The following USP34 variants were observed in gnomAD, a reference collection of about 807,000 sequenced individuals.
USP34 encodes ubiquitin carboxyl-terminal hydrolase 34.
USP34 carries 70 observed loss-of-function variants against 460.3 expected under a neutral mutation model. The ratio of observed to expected loss-of-function variants is 0.15; its 90% CI spans 0.13 to 0.19. USP34 has a LOEUF of 0.19. Ranked by LOEUF, USP34 falls within the 10% of genes least tolerant of loss-of-function variation. The pLI is 1.00. For synonymous variants in USP34, 1,647 were observed against 1,405.3 expected (o/e 1.17, Z -3.85); for missense variants, 3,985 against 4,236.2 (o/e 0.94, Z 1.65).
chr2:61,230,420 A>C (rs1021345717), intron 58 of USP34, among the ~76,000 whole-genome samples: 1 of 152,078 alleles, frequency 6.6e-6, no homozygotes, highest in African/African-American at 2.4e-5. Flanking sequence ...CAGCTAAGGA[A>C]GCTGAGGCAG....
intron 33 of USP34, among the ~76,000 whole-genome samples, chr2:61,289,946 A>T (rs866833326): frequency 6.6e-6 from 1 of 152,164 alleles, no homozygotes; most frequent in Non-Finnish European, 1.5e-5. Flanking sequence ...GTATAATGAA[A>T]AAGTAAGCCA....
intron 22 of USP34, 122 bp downstream of exon 22, chr2:61,319,051 T>C (rs1203512359): frequency 2.1e-6 from 2 of 959,088 alleles, no homozygotes; most frequent in African/African-American, 3.4e-5. Flanking sequence ...ACTGCTAAAA[T>C]TCATTACATT....
At chr2:61,238,050 C>T (rs1465351741) in intron 53 of USP34, among the ~76,000 whole-genome samples, 2 of 151,950 alleles carry the variant, frequency 1.3e-5, no homozygotes, top group Non-Finnish European at 2.9e-5. Context: ...TGCCCGCCAC[C>T]ATACCCAGTT....
intron 1 of USP34, among the ~76,000 whole-genome samples, chr2:61,440,454 G>A (rs1275718432): frequency 2.0e-5 from 3 of 152,046 alleles, no homozygotes; most frequent in Non-Finnish European, 4.4e-5. Context: ...TTGCTCTGCT[G>A]CAGAGGGAAT....
intron 10 of USP34, among the ~76,000 whole-genome samples, chr2:61,359,934 A>AC (rs1344133509): frequency 6.6e-6 from 1 of 151,790 alleles, no homozygotes; most frequent in African/African-American, 2.4e-5. Context: ...ACAGGCGCCC[A>AC]CCACCACACC....
chr2:61,390,955 C>T (rs1403605189), intron 5 of USP34, among the ~76,000 whole-genome samples: 3 of 151,908 alleles, frequency 2.0e-5, no homozygotes, highest in Non-Finnish European at 2.9e-5. Context: ...ATTAGCTGGG[C>T]ATGGTGGTGC....
Position 61,349,249 on chromosome 2 carries a change from C to A in USP34, c.1543+1G>T, listed in dbSNP as rs775362581. 6.2e-7 allele frequency: 1 copy of A among 1,612,384 alleles called. No homozygotes were observed. The highest frequency in any genetic ancestry group is 1.3e-5 in the African/African-American group (1 of 74,968). On this transcript the variant is annotated splice_donor_variant, in intron 13 of 79. Coordinates refer to ENST00000398571, the MANE Select transcript of USP34 (RefSeq NM_014709.4). LOFTEE classifies it high-confidence loss of function. The stretch of plus-strand genomic sequence containing the variant: ...CCATGAATTTCTAAGGCTCAACTTA[C>A]AAGGTGATGGAGCTGTTCTTCTAAG...
chr2:61,387,608 TATAAA>T (rs1195467442), intron 5 of USP34, among the ~76,000 whole-genome samples: 1 of 147,112 alleles, frequency 6.8e-6, no homozygotes, highest in Non-Finnish European at 1.5e-5. Flanking sequence ...TACACACATA[TATAAA>T]ATATATATTT....
At chr2:61,390,104 C>G (rs1693296554) in intron 5 of USP34, among the ~76,000 whole-genome samples, 1 of 152,142 alleles carries the variant, frequency 6.6e-6, no homozygotes, top group South Asian at 2.1e-4. Flanking sequence ...TTGTGTTCCC[C>G]TATACGTTAC....
intron 10 of USP34, among the ~76,000 whole-genome samples, chr2:61,368,663 G>T (rs562620962): frequency 1.1e-4 from 17 of 152,260 alleles, no homozygotes; most frequent in African/African-American, 4.1e-4. Flanking sequence ...ACAAAAAAGG[G>T]AGGAAAGTTG....
intron 3 of USP34, among the ~76,000 whole-genome samples, chr2:61,398,985 A>G (rs545707868): frequency 1.3e-5 from 2 of 152,294 alleles, no homozygotes; most frequent in South Asian, 4.1e-4. Flanking sequence ...ATTGTTAAAT[A>G]CAGAATCATG....
chr2:61,437,123 A>G (rs1166276723), intron 1 of USP34, among the ~76,000 whole-genome samples: 2 of 152,200 alleles, frequency 1.3e-5, no homozygotes. Flanking sequence ...CCAATGATGC[A>G]TCTCAAGGAA....
intron 35 of USP34, 129 bp from the exon 36 acceptor site, chr2:61,283,578 TGAGAGTGAGAGTGAGAGTGAGA>T (rs1412711890): frequency 1.3e-5 from 2 of 151,706 alleles, no homozygotes; most frequent in African/African-American, 1.5e-4. Flanking sequence ...GGTGTGTGAG[TGAGAGTGAGAGTGAGAGTGAGA>T]GAGAGTGTGA....
In USP34 at chr2:61,331,331, C is replaced by T. The variant is rs1691255266; in HGVS notation, c.2875G>A (p.Asp959Asn). 6.8e-6 allele frequency: 11 copies of T among 1,612,126 alleles called. No individual in the cohort carries two copies. The highest frequency in any genetic ancestry group is 9.3e-6 in the Non-Finnish European group (11 of 1,179,026). ...KELNMMKLFF[D>N]NLVYYIQTVR... is the part of the protein sequence containing the mutation. Reference sequence around the variant, plus strand: ...GTTTGAATGTAGTATACCAAATTATCAAAGAAAAGCTTCATCATGTTCAGT... The same window carrying T: ...GTTTGAATGTAGTATACCAAATTATTAAAGAAAAGCTTCATCATGTTCAGT... Residue 959 changes from aspartate (D) to asparagine (N), a missense_variant, in exon 20 of 80, where the codon GAT becomes AAT. Physicochemically the swap from Asp to Asn is conservative, Grantham distance 23. Transcript: ENST00000398571.
Position 61,353,294 on chromosome 2 carries a change from G to C in USP34, c.1252-2601C>G, listed in dbSNP as rs529190804. Among the ~76,000 whole-genome samples, 5 of 152,012 alleles carry C rather than the reference G, an allele frequency of 3.3e-5. No homozygotes were observed. The South Asian group carries it at 1.0e-3, about 31-fold the overall frequency. ...TCTGAAATGATTACTAGAGGTCTTA[G>C]AGTTGTACTTTTTTTTTGCGGAACA... On this transcript the variant is annotated intron_variant, in intron 10 of 79. Transcript: ENST00000398571.
At chr2:61,328,396 G>C (rs1691162819) in intron 20 of USP34, among the ~76,000 whole-genome samples, 1 of 151,044 alleles carries the variant, frequency 6.6e-6, no homozygotes, top group Non-Finnish European at 1.5e-5. Context: ...CATGCTACAA[G>C]AATCTTTTTC....
Position 61,192,581 on chromosome 2 carries a change from C to G in USP34, c.9588+320G>C, listed in dbSNP as rs116316866. 8.8e-3 allele frequency among the ~76,000 whole-genome samples: 1,345 copies of G among 152,314 alleles called. 20 individuals are homozygous for G. The highest frequency in any genetic ancestry group is 0.03 in the African/African-American group (1,265 of 41,554). On this transcript the variant is annotated intron_variant, in intron 76 of 79. Coordinates refer to ENST00000398571, the MANE Select transcript of USP34 (RefSeq NM_014709.4). ...GGAGGTGAAGGAGAGGAAGAAGTGG[C>G]AAGTGCCTTTTCCCCCACTATCTCC... is the stretch of plus-strand genomic sequence containing the variant.
intron 20 of USP34, among the ~76,000 whole-genome samples, chr2:61,329,467 C>T (rs1691196182): frequency 6.6e-6 from 1 of 152,132 alleles, no homozygotes; most frequent in Non-Finnish European, 1.5e-5. Flanking sequence ...TAAAATAATA[C>T]ATCCTGTATA....
At chr2:61,424,717 G>GA (rs1194497970) in intron 1 of USP34, among the ~76,000 whole-genome samples, 1 of 151,146 alleles carries the variant, frequency 6.6e-6, no homozygotes, top group Non-Finnish European at 1.5e-5. Flanking sequence ...CTCTATTTAA[G>GA]AAAAAAAGAC....
Sources: gnomAD v4.1 joint callset for allele counts (sites outside exome capture counted in the v4.1 genomes callset) on GRCh38, gnomAD v4.1.1 for gene constraint, MANE v1.5 for transcripts, NCBI Gene and HGNC (gene_info 2026-07-23, HGNC 2026-07-21) for gene names.